The following KCNB2 variants were observed in gnomAD, a reference collection of about 807,000 sequenced individuals.
The protein encoded by KCNB2 is potassium voltage-gated channel subfamily B member 2.
A neutral mutation model predicts 61.5 loss-of-function variants in KCNB2; 15 were observed. The ratio of observed to expected loss-of-function variants is 0.24; its 90% CI spans 0.16 to 0.38. KCNB2 has a LOEUF of 0.38. Ranked by LOEUF, KCNB2 falls within the 10% of genes least tolerant of loss-of-function variation. The pLI, the probability that KCNB2 is intolerant of heterozygous loss-of-function variation, is 1.00. For missense variants in KCNB2, 828 were observed against 1,125.2 expected, an observed-to-expected ratio of 0.74 and a Z score of 3.78; for synonymous variants, 457 against 446.0, an observed-to-expected ratio of 1.02 and a Z score of -0.31.
intron 2 of KCNB2, among the ~76,000 whole-genome samples, chr8:72,829,246 T>G (rs777182364): frequency 6.6e-6 from 1 of 152,230 alleles, no homozygotes; most frequent in Non-Finnish European, 1.5e-5. Context: ...ACAGGACTTA[T>G]GTACATGAAA....
At chr8:72,589,788 A>G (rs1301622654) in intron 2 of KCNB2, among the ~76,000 whole-genome samples, 1 of 152,220 alleles carries the variant, frequency 6.6e-6, no homozygotes, top group Non-Finnish European at 1.5e-5. Context: ...CAGTTGCAAC[A>G]CTGCTCATGT....
intron 2 of KCNB2, among the ~76,000 whole-genome samples, chr8:72,702,834 G>A (rs1343849824): frequency 6.6e-6 from 1 of 152,148 alleles, no homozygotes; most frequent in Non-Finnish European, 1.5e-5. Flanking sequence ...AAGCAGCTGT[G>A]TCACCAGGTG....
intron 2 of KCNB2, among the ~76,000 whole-genome samples, chr8:72,637,422 G>T (rs1805983531): frequency 1.3e-5 from 2 of 151,978 alleles, no homozygotes; most frequent in African/African-American, 2.4e-5. Flanking sequence ...TTTTTGTAGG[G>T]AAATTGGAGC....
chr8:72,589,167 A>G (rs1807047791), intron 2 of KCNB2, among the ~76,000 whole-genome samples: 1 of 152,040 alleles, frequency 6.6e-6, no homozygotes, highest in South Asian at 2.1e-4. Context: ...ATAGACCAAA[A>G]CAGTATAAGG....
chr8:72,684,849 T>C (rs570073909), intron 2 of KCNB2, among the ~76,000 whole-genome samples: 1 of 152,208 alleles, frequency 6.6e-6, no homozygotes, highest in Non-Finnish European at 1.5e-5. Context: ...TTCACACAGA[T>C]TTATTTTATG....
At chr8:72,779,872 C>T (rs1249416090) in intron 2 of KCNB2, among the ~76,000 whole-genome samples, 1 of 152,172 alleles carries the variant, frequency 6.6e-6, no homozygotes, top group Non-Finnish European at 1.5e-5. Flanking sequence ...ACTCGGTATT[C>T]AATATCCACC....
intron 2 of KCNB2, among the ~76,000 whole-genome samples, chr8:72,791,556 T>TAAAG (rs780267639): frequency 1.3e-5 from 2 of 151,778 alleles, no homozygotes; most frequent in Admixed American, 6.6e-5. Flanking sequence ...TCTCAAAAAA[T>TAAAG]AAAGAAAGAA....
At chr8:72,829,797 C>CA (rs911721676) in intron 2 of KCNB2, among the ~76,000 whole-genome samples, 7 of 150,796 alleles carry the variant, frequency 4.6e-5, no homozygotes, top group African/African-American at 1.5e-4. Context: ...TGAAATAAGC[C>CA]AAAAAAAATG....
rs1243525919 is a variant in KCNB2, at chr8:72,825,977, A to G, written c.580-109958A>G. 2.0e-5 allele frequency among the ~76,000 whole-genome samples: 3 copies of G among 152,234 alleles called. No homozygotes were observed. The East Asian group carries it at 5.8e-4, about 29-fold the overall frequency. On this transcript the variant is annotated intron_variant, in intron 2 of 2. Transcript: ENST00000523207. ...ATTAAAGAAATCATTACCAAATCCAATGTCATAAAGGGTTTCCATTACCTT... is the reference window on the plus strand; with the variant it reads ...ATTAAAGAAATCATTACCAAATCCAGTGTCATAAAGGGTTTCCATTACCTT...
chr8:72,569,001 T>G (rs187430899), intron 2 of KCNB2, among the ~76,000 whole-genome samples: 37 of 152,284 alleles, frequency 2.4e-4, no homozygotes, highest in African/African-American at 7.9e-4. Context: ...TAAATTCATA[T>G]TTTCCCATTG....
chr8:72,680,591 T>G (rs1806734647), intron 2 of KCNB2, among the ~76,000 whole-genome samples: 1 of 152,098 alleles, frequency 6.6e-6, no homozygotes, highest in Admixed American at 6.6e-5. Context: ...TGGGAGGCAG[T>G]GAGGTATTGA....
chr8:72,569,366 G>A (rs1806676595), intron 2 of KCNB2, among the ~76,000 whole-genome samples: 1 of 152,156 alleles, frequency 6.6e-6, no homozygotes, highest in African/African-American at 2.4e-5. Context: ...TAGAACATAT[G>A]AGATTTTTGA....
At chr8:72,912,576 A>G (rs1806319287) in intron 2 of KCNB2, among the ~76,000 whole-genome samples, 1 of 150,874 alleles carries the variant, frequency 6.6e-6, no homozygotes, top group Non-Finnish European at 1.5e-5. Context: ...AAAGATGTAT[A>G]TAATCTATTA....
chr8:72,667,735 C>G (rs1470240235), intron 2 of KCNB2, among the ~76,000 whole-genome samples: 1 of 152,200 alleles, frequency 6.6e-6, no homozygotes, highest in African/African-American at 2.4e-5. Flanking sequence ...TGCTTCCACA[C>G]TTACCCAGTT....
intron 1 of KCNB2, among the ~76,000 whole-genome samples, chr8:72,561,789 A>ATATGTGTATATATATATATATATATATG (rs1491494090): frequency 1.5e-4 from 5 of 33,562 alleles, no homozygotes; most frequent in Non-Finnish European, 2.7e-4. Flanking sequence ...ATATATATAT[A>ATATGTGTATATATATATATATATATATG]CATATATATA....
intron 2 of KCNB2, among the ~76,000 whole-genome samples, chr8:72,647,259 A>C (rs1177194510): frequency 6.6e-6 from 1 of 152,168 alleles, no homozygotes; most frequent in Non-Finnish European, 1.5e-5. Flanking sequence ...AAAGAACTGA[A>C]GGAAATAGAT....
intron 2 of KCNB2, among the ~76,000 whole-genome samples, chr8:72,793,390 A>T (rs1808977482): frequency 6.6e-6 from 1 of 151,882 alleles, no homozygotes; most frequent in Admixed American, 6.5e-5. Context: ...AAATGACAAG[A>T]AGGAGCCAGC....
intron 2 of KCNB2, among the ~76,000 whole-genome samples, chr8:72,860,933 A>G (rs1805397545): frequency 6.6e-6 from 1 of 152,224 alleles, no homozygotes; most frequent in South Asian, 2.1e-4. Context: ...ACCACTTCAT[A>G]TCAAGAGCTG....
At chr8:72,633,866 T>A (rs1805921348) in intron 2 of KCNB2, among the ~76,000 whole-genome samples, 1 of 152,120 alleles carries the variant, frequency 6.6e-6, no homozygotes, top group African/African-American at 2.4e-5. Flanking sequence ...CCTGCTAGAG[T>A]TGGGCAGTGA....
Sources: allele counts gnomAD v4.1 joint callset (sites outside exome capture counted in the v4.1 genomes callset), GRCh38; gene constraint gnomAD v4.1.1; transcripts MANE v1.5; gene names NCBI Gene and HGNC (gene_info 2026-07-23, HGNC 2026-07-21).